ADAM8: variants seen among roughly 807,000 people sequenced by gnomAD.
ADAM8 encodes the protein disintegrin and metalloproteinase domain-containing protein 8.
A neutral mutation model predicts 102.4 loss-of-function variants in ADAM8; 104 were observed. That is an observed-to-expected ratio of 1.02 (90% CI 0.87 to 1.20). The LOEUF (loss-of-function observed/expected upper bound fraction) is 1.20. ADAM8 is among the 50% of genes most tolerant of loss of function. ADAM8 has a pLI of 0.00. For missense variants in ADAM8, 1,132 were observed against 1,159.0 expected (o/e 0.98, Z 0.34); for synonymous variants, 517 against 485.2 (o/e 1.07, Z -0.86).
intron 13 of ADAM8, 45 bp from the exon 14 acceptor site, chr10:133,271,115 A>G (rs777000365): frequency 8.1e-6 from 13 of 1,595,350 alleles, no homozygotes; most frequent in Middle Eastern, 1.7e-4. Flanking sequence ...GGTCCACGCA[A>G]GCTGCCTGGT....
rs879834763 is a variant in ADAM8 at position 133,271,031 on chromosome 10, T to C, written c.1414A>G (p.Met472Val). The C allele has an allele frequency of 5.0e-6, 8 of 1,612,442 alleles. No homozygotes were observed. The highest frequency in any genetic ancestry group is 3.3e-4 in the Middle Eastern group (2 of 6,078). Reference sequence around the variant, plus strand: ...TCACAGAACTCCTCGAGGTCACACATGTCCTTCTTGGGACGGCACAGCTCA... The same window carrying C: ...TCACAGAACTCCTCGAGGTCACACACGTCCTTCTTGGGACGGCACAGCTCA... ...AGELCRPKKDMCDLEEFCDGR... is the reference protein window; with the variant it reads ...AGELCRPKKDVCDLEEFCDGR... Residue 472 changes from methionine (M) to valine (V), a missense_variant, in exon 14 of 23, where the codon ATG becomes GTG. Coordinates refer to ENST00000445355, the MANE Select transcript of ADAM8 (RefSeq NM_001109.5).
rs1316920285 is a variant in ADAM8, at chr10:133,271,877, A to T, written c.1035T>A (p.Asp345Glu). 1.9e-6 allele frequency: 3 copies of T among 1,612,684 alleles called. No individual in the cohort carries two copies. Among genetic ancestry groups the T allele is most frequent in the Non-Finnish European group, 1.7e-6 (2 of 1,179,934 alleles). ...EMGHNLGMDH[D>E]ENVQGCRCQE... is the part of the protein sequence containing the mutation. Reference sequence around the variant, plus strand: ...GGCAGCGGCAGCCCTGGACGTTCTCATCATGGTCCATGCCCAGGTTGTGGC... The same window carrying T: ...GGCAGCGGCAGCCCTGGACGTTCTCTTCATGGTCCATGCCCAGGTTGTGGC... Residue 345 changes from aspartate (D) to glutamate (E), a missense_variant, in exon 11 of 23, where the codon GAT becomes GAA. Transcript: ENST00000445355.
chr10:133,270,244 G>A (rs1280591027), intron 16 of ADAM8, 116 bp downstream of exon 16: 2 of 1,362,792 alleles, frequency 1.5e-6, no homozygotes. Flanking sequence ...AGCGCGGAGA[G>A]AACTCTGTTC....
At chr10:133,273,486 GC>G (rs907969821) in intron 5 of ADAM8, 43 bp from the exon 6 acceptor site, 1 of 1,496,384 alleles carries the variant, frequency 6.7e-7, no homozygotes, top group African/African-American at 1.4e-5. Flanking sequence ...CTTCAGAGTG[GC>G]CTGGTCCTGC....
At chr10:133,265,655 G>C (rs1460177113) in intron 21 of ADAM8, among the ~76,000 whole-genome samples, 2 of 152,050 alleles carry the variant, frequency 1.3e-5, no homozygotes, top group Non-Finnish European at 2.9e-5. Flanking sequence ...AATTTAGCCA[G>C]GCATGGTCGC....
chr10:133,267,955 C>G lies in ADAM8; in HGVS notation c.2227G>C (p.Val743Leu). 7.9e-7 allele frequency: 1 copy of G among 1,260,892 alleles called. No homozygotes were observed. Among genetic ancestry groups the G allele is most frequent in the Non-Finnish European group, 1.0e-6 (1 of 996,606 alleles). 78.1% of individuals were successfully genotyped at this position (1,260,892 alleles called of 1,614,324 possible). Residue 743 changes from valine to leucine, a missense_variant, in exon 20 of 23, where the codon GTG becomes CTG. Coordinates refer to ENST00000445355, the MANE Select transcript of ADAM8 (RefSeq NM_001109.5). ...GCAGGGGGCGGCCTCTTCAGAGCCACCGAGGAGGCCGGGTGTCGGGCGGGC... is the reference window on the plus strand; with the variant it reads ...GCAGGGGGCGGCCTCTTCAGAGCCAGCGAGGAGGCCGGGTGTCGGGCGGGC... ...GQPARHPASS[V>L]ALKRPPPAPP...
chr10:133,271,446 T>A, intron 12 of ADAM8, 82 bp downstream of exon 12: 1 of 1,481,610 alleles, frequency 6.7e-7, no homozygotes, highest in Non-Finnish European at 9.1e-7. Flanking sequence ...CACGTGTGGA[T>A]GTGCAGTGGT....
Position 133,274,142 on chromosome 10 carries a change from A to C in ADAM8, c.227+17T>G. On this transcript the variant is annotated intron_variant, in intron 3 of 22. Coordinates refer to ENST00000445355, the MANE Select transcript of ADAM8 (RefSeq NM_001109.5). ...GAGCCAGGCCCGGGCAGGGGGGCCG[A>C]CCCGAGACCCACTCACCTGTTCTTC... 1 of 1,579,398 alleles carries C rather than the reference A, an allele frequency of 6.3e-7. No individual in the cohort carries two copies. The highest frequency in any genetic ancestry group is 1.8e-5 in the Admixed American group (1 of 56,616).
chr10:133,273,383 C>T lies in ADAM8; in HGVS notation c.444G>A (p.Glu148=). 6.4e-7 allele frequency: 1 copy of T among 1,551,336 alleles called. No homozygotes were observed. The highest frequency in any genetic ancestry group is 1.2e-5 in the South Asian group (1 of 84,302). Reference sequence around the variant, plus strand: ...CCTGGTACACGGCGTGCCGTCCGCCCTCGCCACCTTCATCCAGGGGCTCGA... The same window carrying T: ...CCTGGTACACGGCGTGCCGTCCGCCTTCGCCACCTTCATCCAGGGGCTCGA... The part of the protein sequence containing the change: ...HLIEPLDEGG[E]GGRHAVYQAE... Residue 148 remains glutamate, a synonymous_variant, in exon 6 of 23, where the codon GAG becomes GAA. Transcript: ENST00000445355.
At position 133,275,543 on chromosome 10, in the gene ADAM8, C is replaced by T; in HGVS notation, c.91G>A (p.Val31Ile). 6.6e-7 allele frequency: 1 copy of T among 1,517,940 alleles called. No individual in the cohort carries two copies. Among genetic ancestry groups the T allele is most frequent in the Non-Finnish European group, 8.8e-7 (1 of 1,134,588 alleles). The allele number at this position is 1,517,940 out of a possible 1,614,324, so 94.0% of individuals were successfully genotyped here. A position where few individuals can be genotyped will look rare whatever the true frequency, so the allele number is the denominator to read the frequency against. The change falls in exon 2 of 23, where the codon GTC becomes ATC. Residue 31 changes from valine (V) to isoleucine (I), a missense_variant. Val to Ile is a conservative substitution (Grantham distance 29, BLOSUM62 3). Coordinates refer to ENST00000445355, the MANE Select transcript of ADAM8 (RefSeq NM_001109.5). ...CCTGGCAGACGCCACGGCAACACGACCTCATACTGCTCCATGAGGGCCCAG... is the reference window on the plus strand; with the variant it reads ...CCTGGCAGACGCCACGGCAACACGATCTCATACTGCTCCATGAGGGCCCAG... ...RPWALMEQYE[V>I]VLPWRLPGPR... is the part of the protein sequence containing the mutation.
intron 5 of ADAM8, 143 bp from the exon 6 acceptor site, chr10:133,273,586 G>T: frequency 7.9e-7 from 1 of 1,266,342 alleles, no homozygotes; most frequent in Non-Finnish European, 1.1e-6. Context: ...AGGCCCCAGG[G>T]TACAGGAGGG....
chr10:133,272,365 G>GGGCCCCCCCC, intron 9 of ADAM8, 51 bp downstream of exon 9: 5 of 408,820 alleles, frequency 1.2e-5, no homozygotes, highest in Non-Finnish European at 1.8e-5. Context: ...ACCCCACCCT[G>GGGCCCCCCCC]CCCGCCCTCC....
chr10:133,268,410 C>T (rs1030926007), intron 19 of ADAM8, among the ~76,000 whole-genome samples: 1 of 152,184 alleles, frequency 6.6e-6, no homozygotes, highest in African/African-American at 2.4e-5. Context: ...GTCCCTAGAG[C>T]AGGGCTCAGC....
At position 133,272,333 on chromosome 10, in the gene ADAM8, C is replaced by G; in HGVS notation, c.876-59G>C. 3.5e-6 allele frequency: 5 copies of G among 1,436,670 alleles called. 1 individual carries two copies. Among genetic ancestry groups the G allele is most frequent in the South Asian group, 2.7e-5 (2 of 73,204 alleles). 89.0% of individuals were successfully genotyped at this position (1,436,670 alleles called of 1,614,324 possible). Reference sequence around the variant, plus strand: ...CGGCTCCCTCCCCACTTCCCTCCCACCCCAGCCCTGCTCTCCCTTCCACCC... The same window carrying G: ...CGGCTCCCTCCCCACTTCCCTCCCAGCCCAGCCCTGCTCTCCCTTCCACCC... On this transcript the variant is annotated intron_variant, in intron 9 of 22. Transcript: ENST00000445355.
Position 133,268,868 on chromosome 10 carries a change from G to A in ADAM8, c.1949-6C>T, listed in dbSNP as rs377295937. On this transcript the variant is annotated splice_polypyrimidine_tract_variant and splice_region_variant and intron_variant, in intron 18 of 22. Transcript: ENST00000445355. ...GACGGGGAGGCTCCCGGACGCTGTG[G>A]GACACACGGCCCCACATCAGGCAGG... 66 of 1,603,684 alleles carry A rather than the reference G, an allele frequency of 4.1e-5. No individual in the cohort carries two copies. The highest frequency in any genetic ancestry group is 5.5e-5 in the Non-Finnish European group (65 of 1,179,340).
At chr10:133,269,809 G>T in intron 17 of ADAM8, 88 bp downstream of exon 17, 2 of 1,455,274 alleles carry the variant, frequency 1.4e-6, no homozygotes, top group African/African-American at 1.4e-5. Context: ...CCAGCCTCAG[G>T]CTCCCGTGTC....
At chr10:133,269,342 G>A (rs890671792) in intron 18 of ADAM8, 103 bp downstream of exon 18, 4 of 1,316,682 alleles carry the variant, frequency 3.0e-6, no homozygotes, top group South Asian at 3.1e-5. Flanking sequence ...AACTGGCACC[G>A]TGAACACCAC....
At position 133,271,025 on chromosome 10, in the gene ADAM8, CACACATGT is replaced by C; in HGVS notation, c.1412_1419del (p.Asp471GlyfsTer7). ...CGGCCGTCACAGAACTCCTCGAGGT[CACACATGT>C]CCTTCTTGGGACGGCACAGCTCACC... On this transcript the variant is annotated frameshift_variant, in exon 14 of 23. Coordinates refer to ENST00000445355, the MANE Select transcript of ADAM8 (RefSeq NM_001109.5). LOFTEE classifies it high-confidence loss of function. The C allele has an allele frequency of 6.2e-7, 1 of 1,612,766 alleles. No individual in the cohort carries two copies. Among genetic ancestry groups the C allele is most frequent in the Admixed American group, 1.7e-5 (1 of 60,014 alleles).
At chr10:133,274,117 G>A (rs1241407421) in intron 3 of ADAM8, 42 bp downstream of exon 3, 1 of 1,584,454 alleles carries the variant, frequency 6.3e-7, no homozygotes, top group Admixed American at 1.8e-5. Context: ...CAGTGTGCTG[G>A]AGCCAGGCCC....
Sources: gnomAD v4.1 joint callset for allele counts (sites outside exome capture counted in the v4.1 genomes callset) on GRCh38, gnomAD v4.1.1 for gene constraint, MANE v1.5 for transcripts, NCBI Gene and HGNC (gene_info 2026-07-23, HGNC 2026-07-21) for gene names.